Variants in UBE2U observed in about 807,000 individuals in gnomAD.
UBE2U encodes the protein ubiquitin conjugating enzyme E2 U.
In UBE2U, 39 loss-of-function variants were observed where a neutral mutation model predicts 41.2. The ratio of observed to expected loss-of-function variants is 0.95; its 90% CI spans 0.73 to 1.24. The LOEUF is 1.24. Among genes scored for constraint, UBE2U ranks in the 50% most tolerant of loss-of-function variants. UBE2U has a pLI of 0.00. For missense variants in UBE2U, 336 were observed against 363.1 expected (o/e 0.93, Z 0.61); for synonymous variants, 107 against 117.8 (o/e 0.91, Z 0.60).
chr1:64,233,684 T>A lies in UBE2U; in HGVS notation c.595+1035T>A, dbSNP rs117141526. Among the ~76,000 whole-genome samples, 4 of 152,326 alleles carry A rather than the reference T, an allele frequency of 2.6e-5. No homozygotes were observed. The East Asian group carries it at 7.7e-4, about 29-fold the overall frequency. ...AAAAATCATCTGTTACCATCATACA[T>A]CAGGAGCTAAAAAGACAGATTGAGA... On this transcript the variant is annotated intron_variant, in intron 7 of 9. Coordinates refer to ENST00000371077, the MANE Select transcript of UBE2U (RefSeq NM_001366232.2).
intron 8 of UBE2U, among the ~76,000 whole-genome samples, chr1:64,252,775 T>G (rs1177833441): frequency 3.3e-5 from 5 of 152,166 alleles, no homozygotes; most frequent in Admixed American, 3.3e-4. Flanking sequence ...ACCTCAAAGA[T>G]TAAAGGTAGA....
At chr1:64,204,887 AT>A (rs1651196486) in intron 1 of UBE2U, among the ~76,000 whole-genome samples, 6 of 152,356 alleles carry the variant, frequency 3.9e-5, no homozygotes, top group Admixed American at 3.9e-4. Context: ...GTTAGGAACA[AT>A]TATGGAGTCC....
Position 64,214,929 on chromosome 1 carries a change from C to G in UBE2U, c.454C>G (p.Gln152Glu). Residue 152 changes from glutamine to glutamate, a missense_variant, in exon 5 of 10, where the codon CAA (glutamine) becomes GAA (glutamate). Gln to Glu is a conservative substitution (Grantham distance 29, BLOSUM62 2). Transcript: ENST00000371077. ...TCTAAGACTTTTCAACAGGCCATTA[C>G]AAAGTAAGAAGTATCTACTTTTGTT... ...TILRLFNRPL[Q>E]MKDDSQELPK... The G allele has an allele frequency of 6.2e-7, 1 of 1,612,178 alleles. No homozygotes were observed. The highest frequency in any genetic ancestry group is 8.5e-7 in the Non-Finnish European group (1 of 1,178,274).
At chr1:64,205,782 C>T in intron 2 of UBE2U, 62 bp downstream of exon 2, 1 of 1,365,282 alleles carries the variant, frequency 7.3e-7, no homozygotes. Flanking sequence ...TTAGCCCATC[C>T]TCTTTTTATG....
rs1557698849 is a variant in UBE2U at position 64,205,640 on chromosome 1, G to GCACT, written c.68_69insCACT (p.Ile24ThrfsTer5). The GCACT allele has an allele frequency of 4.4e-5, 71 of 1,607,934 alleles. No individual in the cohort carries two copies. Among genetic ancestry groups the GCACT allele is most frequent in the Admixed American group, 1.0e-4 (6 of 58,830 alleles). On this transcript the variant is annotated frameshift_variant and splice_region_variant, in exon 2 of 10. Transcript: ENST00000371077. LOFTEE classifies it high-confidence loss of function. Reference sequence around the variant, plus strand: ...TTTAATTTTGTTTTTAACTTCAAGGGTATCACTGCTAAGCCTGTAAGTGAA... The same window carrying GCACT: ...TTTAATTTTGTTTTTAACTTCAAGGGCACTTATCACTGCTAAGCCTGTAAGTGAA...
At chr1:64,241,339 G>A (rs1644831212) in intron 7 of UBE2U, among the ~76,000 whole-genome samples, 1 of 152,078 alleles carries the variant, frequency 6.6e-6, no homozygotes, top group South Asian at 2.1e-4. Context: ...TAATGCCTAA[G>A]GTAGGTGCTC....
At chr1:64,248,266 A>G (rs1314282386) in intron 8 of UBE2U, among the ~76,000 whole-genome samples, 3 of 151,864 alleles carry the variant, frequency 2.0e-5, no homozygotes, top group East Asian at 1.9e-4. Context: ...AATACGATAC[A>G]TGGGTTGGCT....
At chr1:64,212,823 CTAGT>C (rs1167305632) in intron 4 of UBE2U, among the ~76,000 whole-genome samples, 1 of 152,090 alleles carries the variant, frequency 6.6e-6, no homozygotes, top group Non-Finnish European at 1.5e-5. Context: ...TGCTGAACCT[CTAGT>C]TAGTTAACAT....
intron 6 of UBE2U, among the ~76,000 whole-genome samples, chr1:64,230,070 T>A (rs1192546693): frequency 3.3e-5 from 5 of 152,204 alleles, no homozygotes; most frequent in African/African-American, 1.2e-4. Flanking sequence ...ACTGTAATAT[T>A]CCTTCACTTT....
At chr1:64,260,793 T>C (rs1645169715) in intron 9 of UBE2U, 99 bp downstream of exon 9, 1 of 888,250 alleles carries the variant, frequency 1.1e-6, no homozygotes. Context: ...AGTTGGAATA[T>C]ATGAGGGCTA....
intron 6 of UBE2U, among the ~76,000 whole-genome samples, chr1:64,228,632 T>A (rs2100368685): frequency 6.6e-6 from 1 of 152,060 alleles, no homozygotes; most frequent in African/African-American, 2.4e-5. Context: ...TGTTTTCATA[T>A]AGAATTACAT....
At position 64,250,999 on chromosome 1, in the gene UBE2U, C is replaced by T. The variant is rs554756921; in HGVS notation, c.677+9266C>T. ...TAATGGGTGCAGCACACCAACATGGCACATGTATACATATGTAACCAACCT... is the reference window on the plus strand; with the variant it reads ...TAATGGGTGCAGCACACCAACATGGTACATGTATACATATGTAACCAACCT... On this transcript the variant is annotated intron_variant, in intron 8 of 9. Coordinates refer to ENST00000371077, the MANE Select transcript of UBE2U (RefSeq NM_001366232.2). 4.6e-5 allele frequency among the ~76,000 whole-genome samples: 7 copies of T among 151,798 alleles called. No homozygotes were observed. The East Asian group carries it at 1.2e-3, about 25-fold the overall frequency.
chr1:64,212,883 G>A (rs1252457432), intron 4 of UBE2U, among the ~76,000 whole-genome samples: 1 of 152,066 alleles, frequency 6.6e-6, no homozygotes, highest in Non-Finnish European at 1.5e-5. Flanking sequence ...TGACACCAAA[G>A]TGTTGCCAAA....
intron 3 of UBE2U, among the ~76,000 whole-genome samples, chr1:64,209,025 G>T (rs1295482609): frequency 6.6e-6 from 1 of 152,030 alleles, no homozygotes; most frequent in African/African-American, 2.4e-5. Context: ...TGGTAATATT[G>T]GTCTTGAATA....
At chr1:64,245,622 C>T (rs1644907973) in intron 8 of UBE2U, among the ~76,000 whole-genome samples, 1 of 152,136 alleles carries the variant, frequency 6.6e-6, no homozygotes, top group Admixed American at 6.5e-5. Context: ...CCCTTCATTT[C>T]CTAATTCATG....
At chr1:64,219,952 T>C (rs1248615267) in intron 5 of UBE2U, among the ~76,000 whole-genome samples, 1 of 152,196 alleles carries the variant, frequency 6.6e-6, no homozygotes. Context: ...CTTTGTTCGT[T>C]GTATATTCTG....
At chr1:64,243,281 ATAT>A (rs1268399226) in intron 8 of UBE2U, among the ~76,000 whole-genome samples, 20 of 152,188 alleles carry the variant, frequency 1.3e-4, no homozygotes, top group African/African-American at 4.8e-4. Flanking sequence ...TTTTAAAAAG[ATAT>A]TATATTTATC....
At chr1:64,262,302 C>A (rs1377991437) in intron 9 of UBE2U, among the ~76,000 whole-genome samples, 3 of 152,176 alleles carry the variant, frequency 2.0e-5, no homozygotes, top group Non-Finnish European at 4.4e-5. Flanking sequence ...CAAATTAGCA[C>A]ACATTGAATG....
At chr1:64,248,880 G>A (rs9436696) in intron 8 of UBE2U, among the ~76,000 whole-genome samples, 1,633 of 152,136 alleles carry the variant, frequency 0.011, 27 homozygotes, top group African/African-American at 0.037. Flanking sequence ...CAGCTAGAGT[G>A]GAGAGACACT....
Sources: allele counts gnomAD v4.1 joint callset (sites outside exome capture counted in the v4.1 genomes callset), GRCh38; gene constraint gnomAD v4.1.1; transcripts MANE v1.5; gene names NCBI Gene and HGNC (gene_info 2026-07-23, HGNC 2026-07-21).